Variants in ZFX observed in about 807,000 individuals in gnomAD.
The protein encoded by ZFX is zinc finger X-chromosomal protein.
For missense variants in ZFX, 362 were observed against 628.3 expected, an observed-to-expected ratio of 0.58 and a Z score of 4.53; for synonymous variants, 196 against 226.8, an observed-to-expected ratio of 0.86 and a Z score of 1.22.
At position 24,211,088 on chromosome X, in the gene ZFX, C is replaced by G; in HGVS notation, c.2130C>G (p.Leu710=). 2 of 1,212,051 alleles carry G rather than the reference C, an allele frequency of 1.7e-6. No homozygotes were observed. The highest frequency in any genetic ancestry group is 2.2e-6 in the Non-Finnish European group (2 of 895,619). ...ADPFVLSRHI[L]SVHTKDLPFR... Reference sequence around the variant, plus strand: ...CATTTGTTCTAAGTCGCCATATTCTCTCAGTTCACACAAAGGATCTTCCAT... The same window carrying G: ...CATTTGTTCTAAGTCGCCATATTCTGTCAGTTCACACAAAGGATCTTCCAT... The change falls in exon 10 of 10, where the codon CTC becomes CTG. Residue 710 remains leucine (L), a synonymous_variant. Transcript: ENST00000304543.
At chrX:24,196,968 C>T (rs929705337) in intron 5 of ZFX, among the ~76,000 whole-genome samples, 3 of 111,965 alleles carry the variant, frequency 2.7e-5, no homozygotes, top group African/African-American at 9.8e-5. Context: ...GAGATTTCCT[C>T]TAATAGTAGC....
intron 6 of ZFX, 30 bp from the exon 7 acceptor site, chrX:24,207,682 A>C (rs1170609522): frequency 8.4e-7 from 1 of 1,193,686 alleles, no homozygotes; most frequent in Admixed American, 2.4e-5. Flanking sequence ...CAAATAAATT[A>C]TTGAAGCTGT....
chrX:24,179,303 A>T lies in ZFX; in HGVS notation c.179A>T (p.Asp60Val). ...TVHNFVPDDP[D>V]SVVIQDVIED... ...CATAACTTTGTTCCTGATGACCCAGATTCAGTTGTAATCCAAGATGTTATT... is the reference window on the plus strand; with the variant it reads ...CATAACTTTGTTCCTGATGACCCAGTTTCAGTTGTAATCCAAGATGTTATT... The change falls in exon 5 of 10, where the codon GAT becomes GTT. Residue 60 changes from aspartate to valine, a missense_variant. Transcript: ENST00000304543. 2 of 1,211,942 alleles carry T rather than the reference A, an allele frequency of 1.7e-6. No homozygotes were observed. The highest frequency in any genetic ancestry group is 1.8e-5 in the South Asian group (1 of 57,012).
At chrX:24,173,419 A>G (rs1934819622) in intron 4 of ZFX, among the ~76,000 whole-genome samples, 1 of 111,515 alleles carries the variant, frequency 9.0e-6, no homozygotes, top group Non-Finnish European at 1.9e-5. Context: ...GTTCCCAAAA[A>G]GAGACTTCTG....
At chrX:24,206,215 G>A (rs1449160666) in intron 5 of ZFX, among the ~76,000 whole-genome samples, 1 of 111,837 alleles carries the variant, frequency 8.9e-6, no homozygotes, top group African/African-American at 3.3e-5. Context: ...TACCTTTCTG[G>A]CAATCATGTT....
chrX:24,184,422 C>T (rs1222331779), intron 5 of ZFX, among the ~76,000 whole-genome samples: 1 of 111,174 alleles, frequency 9.0e-6, no homozygotes, highest in Non-Finnish European at 1.9e-5. Flanking sequence ...TTGGTTTGCC[C>T]TTTAACTGCG....
intron 3 of ZFX, among the ~76,000 whole-genome samples, chrX:24,161,443 A>C (rs751424144): frequency 8.9e-6 from 1 of 111,951 alleles, no homozygotes; most frequent in African/African-American, 3.2e-5. Flanking sequence ...TGGCAAAGGC[A>C]ATCTTGAGAA....
intron 3 of ZFX, among the ~76,000 whole-genome samples, chrX:24,153,603 A>C (rs1932469425): frequency 8.9e-6 from 1 of 112,066 alleles, no homozygotes; most frequent in Non-Finnish European, 1.9e-5. Context: ...AAACTTGCAC[A>C]GCATGTTAAC....
At chrX:24,188,153 G>A (rs755877590) in intron 5 of ZFX, among the ~76,000 whole-genome samples, 2 of 108,303 alleles carry the variant, frequency 1.8e-5, no homozygotes, top group African/African-American at 6.8e-5. Context: ...GCCACTGCAC[G>A]CTGGTGACAG....
intron 5 of ZFX, among the ~76,000 whole-genome samples, chrX:24,196,362 C>G (rs1356594732): frequency 8.9e-6 from 1 of 111,887 alleles, no homozygotes; most frequent in Non-Finnish European, 1.9e-5. Context: ...ATCCACCTTC[C>G]TTGGCCTCCC....
rs777153166 is a variant in ZFX, at chrX:24,161,271, C to T, written c.-29+8441C>T. On this transcript the variant is annotated intron_variant, in intron 3 of 9. Coordinates refer to ENST00000304543, the MANE Select transcript of ZFX (RefSeq NM_003410.4). ...ACCATGTTCATTGGATTGGAAGTGT[C>T]AGTATTGTAAAGATGTCCGTTCTCT... Among the ~76,000 whole-genome samples the T allele has an allele frequency of 3.6e-5, 4 of 112,092 alleles. No homozygotes were observed. In the East Asian group the frequency reaches 1.1e-3, roughly 31 times the overall value.
intron 1 of ZFX, among the ~76,000 whole-genome samples, chrX:24,151,127 T>C (rs1164962684): frequency 8.9e-6 from 1 of 112,551 alleles, no homozygotes; most frequent in Non-Finnish European, 1.9e-5. Flanking sequence ...AACGTACTTT[T>C]TTGATTGCAC....
At chrX:24,195,219 G>A (rs1372408727) in intron 5 of ZFX, among the ~76,000 whole-genome samples, 4 of 110,107 alleles carry the variant, frequency 3.6e-5, no homozygotes, top group African/African-American at 1.3e-4. Flanking sequence ...TTTTGAGACG[G>A]TGTCTCGTTC....
At chrX:24,164,775 A>C (rs1217604286) in intron 3 of ZFX, among the ~76,000 whole-genome samples, 1 of 109,821 alleles carries the variant, frequency 9.1e-6, no homozygotes, top group Non-Finnish European at 1.9e-5. Context: ...CTACTAGTAA[A>C]AAATACAAAA....
At chrX:24,209,491 TAAC>T (rs769504969) in intron 9 of ZFX, among the ~76,000 whole-genome samples, 1 of 112,716 alleles carries the variant, frequency 8.9e-6, no homozygotes. Context: ...TGCTGTAAGT[TAAC>T]GTAAGTTATG....
At position 24,211,444 on chromosome X, in the gene ZFX, A is replaced by G; in HGVS notation, c.*68A>G. On this transcript the variant is annotated 3_prime_UTR_variant, in exon 10 of 10. Transcript: ENST00000304543. ...CAGAAAATTCATTTTAAAGCCAATC[A>G]GTCTCATTCACATACAATACTGTAT... The G allele has an allele frequency of 9.3e-7, 1 of 1,077,793 alleles. No homozygotes were observed. The highest frequency in any genetic ancestry group is 1.3e-6 in the Non-Finnish European group (1 of 786,672). The allele number at this position is 1,077,793 out of a possible 1,213,427, so 88.8% of individuals were successfully genotyped here.
chrX:24,188,880 C>T (rs1264117243), intron 5 of ZFX, among the ~76,000 whole-genome samples: 2 of 111,400 alleles, frequency 1.8e-5, no homozygotes, highest in African/African-American at 6.5e-5. Flanking sequence ...CTCTGTCACC[C>T]AGGCTGGAGT....
chrX:24,194,166 A>T (rs1936736362), intron 5 of ZFX, among the ~76,000 whole-genome samples: 1 of 111,621 alleles, frequency 9.0e-6, no homozygotes, highest in African/African-American at 3.3e-5. Context: ...TTAAGGCTAA[A>T]TAGGATTCCA....
intron 3 of ZFX, among the ~76,000 whole-genome samples, chrX:24,158,185 T>C (rs1932904526): frequency 9.0e-6 from 1 of 111,702 alleles, no homozygotes; most frequent in African/African-American, 3.3e-5. Context: ...TAATTGGCAA[T>C]GTTTTTTTCT....
Sources: allele counts gnomAD v4.1 joint callset (sites outside exome capture counted in the v4.1 genomes callset), GRCh38; gene constraint gnomAD v4.1.1; transcripts MANE v1.5; gene names NCBI Gene and HGNC (gene_info 2026-07-23, HGNC 2026-07-21).